The following CHRM2 variants were observed in gnomAD, a reference collection of about 807,000 sequenced individuals.
CHRM2 encodes cholinergic receptor muscarinic 2, also known as muscarinic acetylcholine receptor M2.
CHRM2 carries 8 observed loss-of-function variants against 25.0 expected under a neutral mutation model. That is an observed-to-expected ratio of 0.32 (90% confidence interval 0.19 to 0.58). The LOEUF is 0.58. Among genes scored for constraint, CHRM2 ranks in the 20% least tolerant of loss-of-function variants. The pLI is 0.88. For missense variants in CHRM2, 440 were observed against 567.1 expected (o/e 0.78, Z 2.28); for synonymous variants, 202 against 205.7 (o/e 0.98, Z 0.15).
chr7:136,921,819 C>G (rs544119825), intron 2 of CHRM2, among the ~76,000 whole-genome samples: 2 of 102,738 alleles, frequency 1.9e-5, no homozygotes, highest in Non-Finnish European at 5.4e-5. Flanking sequence ...GATTCTCACT[C>G]TCACACCCGG....
At chr7:136,942,634 T>TTGTGATGTGTTAAATGAAA (rs1799837549) in intron 2 of CHRM2, among the ~76,000 whole-genome samples, 1 of 152,166 alleles carries the variant, frequency 6.6e-6, no homozygotes, top group Non-Finnish European at 1.5e-5. Flanking sequence ...AACACATCAC[T>TTGTGATGTGTTAAATGAAA]CCTTGACAGA....
chr7:136,902,225 A>G (rs1282035841), intron 2 of CHRM2: 3 of 151,224 alleles, frequency 2.0e-5, no homozygotes, highest in Non-Finnish European at 4.4e-5. Flanking sequence ...CCATCCATCC[A>G]TCCATCCATC....
rs1354970268 is a variant in CHRM2 at position 136,981,270 on chromosome 7, AGT to A, written c.-124-10915_-124-10914del. Among the ~76,000 whole-genome samples the A allele has an allele frequency of 2.0e-5, 3 of 152,156 alleles. No homozygotes were observed. The South Asian group carries it at 6.2e-4, about 32-fold the overall frequency. On this transcript the variant is annotated intron_variant, in intron 2 of 3. Transcript: ENST00000680005. ...ATTCTCTGATGGTAGTTTGTATTGCAGTGGGATCAGTGGTAATATCACATTTA... is the reference window on the plus strand; with the variant it reads ...ATTCTCTGATGGTAGTTTGTATTGCAGGGATCAGTGGTAATATCACATTTA...
chr7:136,896,980 C>CA (rs1371352106), intron 2 of CHRM2, among the ~76,000 whole-genome samples: 1 of 151,824 alleles, frequency 6.6e-6, no homozygotes, highest in Non-Finnish European at 1.5e-5. Flanking sequence ...AAGAAGGAGT[C>CA]ACGGTGAGTA....
chr7:136,946,815 A>C (rs940732104), intron 2 of CHRM2, among the ~76,000 whole-genome samples: 1 of 152,180 alleles, frequency 6.6e-6, no homozygotes, highest in African/African-American at 2.4e-5. Context: ...GGAAATACTT[A>C]TGATGGAAGA....
chr7:136,987,687 G>C (rs1802949874), intron 2 of CHRM2, among the ~76,000 whole-genome samples: 1 of 152,170 alleles, frequency 6.6e-6, no homozygotes, highest in Non-Finnish European at 1.5e-5. Flanking sequence ...ACGGAGGCAA[G>C]GATGCGTCAG....
chr7:136,894,572 A>G (rs1796818600), intron 2 of CHRM2, among the ~76,000 whole-genome samples: 1 of 152,042 alleles, frequency 6.6e-6, no homozygotes, highest in African/African-American at 2.4e-5. Flanking sequence ...GGGTTTCGCC[A>G]TGTTGGCCAG....
chr7:136,880,004 C>T (rs1796199692), intron 2 of CHRM2, among the ~76,000 whole-genome samples: 1 of 150,806 alleles, frequency 6.6e-6, no homozygotes, highest in Non-Finnish European at 1.5e-5. Flanking sequence ...ATTCTAGCTT[C>T]TTCATCACAG....
intron 2 of CHRM2, among the ~76,000 whole-genome samples, chr7:136,957,102 C>G (rs1800769126): frequency 6.6e-6 from 1 of 152,148 alleles, no homozygotes; most frequent in Non-Finnish European, 1.5e-5. Context: ...GTGGCAAAAC[C>G]CCACTTCACT....
chr7:137,001,828 C>T (rs747469529), intron 3 of CHRM2, among the ~76,000 whole-genome samples: 1 of 152,104 alleles, frequency 6.6e-6, no homozygotes. Flanking sequence ...ATAGTAGTCA[C>T]CGTATCATAA....
At chr7:136,962,333 C>T (rs1801144978) in intron 2 of CHRM2, among the ~76,000 whole-genome samples, 1 of 152,042 alleles carries the variant, frequency 6.6e-6, no homozygotes, top group Non-Finnish European at 1.5e-5. Context: ...CAGGGTTTCG[C>T]CGTGTTGGCC....
intron 2 of CHRM2, among the ~76,000 whole-genome samples, chr7:136,940,477 A>T (rs1215014921): frequency 2.0e-5 from 3 of 152,202 alleles, no homozygotes; most frequent in African/African-American, 7.2e-5. Flanking sequence ...TGACTGTAGA[A>T]TGGAGTCAAT....
intron 2 of CHRM2, among the ~76,000 whole-genome samples, chr7:136,990,395 C>A (rs1803142329): frequency 1.3e-5 from 2 of 152,162 alleles, no homozygotes; most frequent in Admixed American, 6.6e-5. Flanking sequence ...CTGGCAATTT[C>A]TGCCCACCAT....
At chr7:136,979,242 GTCT>G (rs1802317870) in intron 2 of CHRM2, among the ~76,000 whole-genome samples, 1 of 152,158 alleles carries the variant, frequency 6.6e-6, no homozygotes, top group Admixed American at 6.5e-5. Flanking sequence ...CTGCATAAGT[GTCT>G]TCTTTTGAAA....
intron 2 of CHRM2, among the ~76,000 whole-genome samples, chr7:136,965,548 A>G (rs760360172): frequency 6.6e-6 from 1 of 152,110 alleles, no homozygotes; most frequent in Non-Finnish European, 1.5e-5. Context: ...TTTCAGGTCC[A>G]GATACTCTAA....
chr7:136,938,915 CAAAAAAAAAAA>C (rs56868385), intron 2 of CHRM2, among the ~76,000 whole-genome samples: 9 of 66,932 alleles, frequency 1.3e-4, no homozygotes, highest in Non-Finnish European at 2.0e-4. Flanking sequence ...CTAGCTCTGC[CAAAAAAAAAAA>C]AAAAAAAAAA....
intron 2 of CHRM2, among the ~76,000 whole-genome samples, chr7:136,921,956 AG>A (rs2130738666): frequency 6.6e-6 from 1 of 151,980 alleles, no homozygotes; most frequent in African/African-American, 2.4e-5. Context: ...TAGTACAGAC[AG>A]GGTTTTGCCA....
At chr7:136,873,337 C>G (rs1385717391) in intron 2 of CHRM2, among the ~76,000 whole-genome samples, 1 of 152,178 alleles carries the variant, frequency 6.6e-6, no homozygotes, top group Non-Finnish European at 1.5e-5. Flanking sequence ...TTTCCTTAGG[C>G]AGGTATTTTT....
At chr7:137,011,081 G>T (rs1314073007) in intron 3 of CHRM2, among the ~76,000 whole-genome samples, 1 of 151,796 alleles carries the variant, frequency 6.6e-6, no homozygotes. Flanking sequence ...ATTTTATGTA[G>T]TTGTTAATGT....
Sources: gnomAD v4.1 joint callset for allele counts (sites outside exome capture counted in the v4.1 genomes callset) on GRCh38, gnomAD v4.1.1 for gene constraint, MANE v1.5 for transcripts, NCBI Gene and HGNC (gene_info 2026-07-23, HGNC 2026-07-21) for gene names.